PSMD12: variants seen among roughly 807,000 people sequenced by gnomAD.
The protein encoded by PSMD12 is proteasome 26S subunit, non-ATPase 12, also known as 26S proteasome non-ATPase regulatory subunit 12.
In PSMD12, 8 loss-of-function variants were observed where a neutral mutation model predicts 62.9. The ratio of observed to expected loss-of-function variants is 0.13; its 90% CI spans 0.07 to 0.23. The LOEUF is 0.23. Among genes scored for constraint, PSMD12 ranks in the 10% least tolerant of loss-of-function variants. PSMD12 has a pLI of 1.00. For synonymous variants in PSMD12, 173 were observed against 187.4 expected (o/e 0.92, Z 0.63); for missense variants, 424 against 550.2 (o/e 0.77, Z 2.29).
chr17:67,342,838 A>AGG (rs57792247), intron 9 of PSMD12, among the ~76,000 whole-genome samples: 1 of 150,780 alleles, frequency 6.6e-6, no homozygotes, highest in African/African-American at 2.4e-5. Context: ...TAGGAAGCTG[A>AGG]GGGGGGAGAA....
intron 8 of PSMD12, 84 bp downstream of exon 8, chr17:67,345,661 A>C: frequency 1.8e-6 from 2 of 1,093,624 alleles, no homozygotes; most frequent in South Asian, 2.7e-5. Flanking sequence ...AAGTATACAC[A>C]GAAGTATACA....
chr17:67,345,787 C>G lies in PSMD12; in HGVS notation c.866G>C (p.Arg289Pro), dbSNP rs762866817. The G allele has an allele frequency of 6.2e-7, 1 of 1,613,346 alleles. No homozygotes were observed. The highest frequency in any genetic ancestry group is 8.5e-7 in the Non-Finnish European group (1 of 1,179,574). Residue 289 changes from arginine to proline, a missense_variant, in exon 8 of 11, where the codon CGA becomes CCA. Arg to Pro is a moderately radical substitution (Grantham distance 103). Coordinates refer to ENST00000356126, the MANE Select transcript of PSMD12 (RefSeq NM_002816.5). ...FDNEQSDLVH[R>P]ISGDKKLEEI... is the part of the protein sequence containing the mutation. ...TTCTAACTTCTTGTCACCACTTATTCGGTGAACCAAATCTGACTGTTCATT... is the reference window on the plus strand; with the variant it reads ...TTCTAACTTCTTGTCACCACTTATTGGGTGAACCAAATCTGACTGTTCATT...
intron 3 of PSMD12, among the ~76,000 whole-genome samples, chr17:67,355,596 T>C (rs1414743009): frequency 7.2e-5 from 11 of 152,218 alleles, no homozygotes; most frequent in Middle Eastern, 3.2e-3. Flanking sequence ...TACAATGCCA[T>C]TGTCTTTATT....
rs1598560316 is a variant in PSMD12, at chr17:67,347,585, TAAG to T, written c.511-103_511-101del. 1.2e-5 allele frequency: 15 copies of T among 1,224,296 alleles called. 1 individual carries two copies. In the South Asian group the frequency reaches 2.4e-4, roughly 19 times the overall value. The allele number at this position is 1,224,296 out of a possible 1,614,324, so 75.8% of individuals were successfully genotyped here. ...TAAAATATTCATCCTTGTTAAATAA[TAAG>T]AACCTTCATGTATATAGGGAGAGTG... On this transcript the variant is annotated intron_variant, in intron 5 of 10. Transcript: ENST00000356126.
intron 1 of PSMD12, 149 bp downstream of exon 1, chr17:67,366,263 T>G: frequency 1.4e-6 from 1 of 731,608 alleles, no homozygotes; most frequent in East Asian, 2.8e-5. Flanking sequence ...CGGGCCGACC[T>G]GGGGTCTCCC....
Position 67,366,438 on chromosome 17 carries a change from G to A in PSMD12, c.82C>T (p.Leu28=). Residue 28 remains leucine (L), a synonymous_variant, in exon 1 of 11, where the codon CTA becomes TTA. Transcript: ENST00000356126. The stretch of plus-strand genomic sequence containing the variant: ...TTGGCTAGCTTCGCACACTCGGGTA[G>A]GCGCTGATCCACCGTGGCGCTGTAG... ...VDYSATVDQR[L]PECAKLAKEG... is the part of the protein sequence containing the mutation. 2 of 1,612,334 alleles carry A rather than the reference G, an allele frequency of 1.2e-6. No homozygotes were observed. The highest frequency in any genetic ancestry group is 1.1e-5 in the South Asian group (1 of 91,054).
intron 3 of PSMD12, among the ~76,000 whole-genome samples, chr17:67,354,325 G>C (rs1248020304): frequency 6.6e-6 from 1 of 151,934 alleles, no homozygotes. Context: ...GGGGAGGACT[G>C]CTTGAGCCTA....
chr17:67,361,709 GTT>G (rs1003937492), intron 1 of PSMD12, among the ~76,000 whole-genome samples: 1 of 151,952 alleles, frequency 6.6e-6, no homozygotes, highest in Non-Finnish European at 1.5e-5. Context: ...AATGTAAACT[GTT>G]TTACATTTCA....
chr17:67,342,224 T>C lies in PSMD12; in HGVS notation c.1123A>G (p.Met375Val). ...IMAKYYTRIT[M>V]KRMAQLLDLS... Reference sequence around the variant, plus strand: ...TCCAGAAGCTGTGCCATCCTTTTCATTGTTATCCGAGTATAATACTTGGCC... The same window carrying C: ...TCCAGAAGCTGTGCCATCCTTTTCACTGTTATCCGAGTATAATACTTGGCC... The change falls in exon 10 of 11, where the codon ATG becomes GTG. Residue 375 changes from methionine to valine, a missense_variant. Met to Val is a conservative substitution (Grantham distance 21, BLOSUM62 1). Coordinates refer to ENST00000356126, the MANE Select transcript of PSMD12 (RefSeq NM_002816.5). 1.9e-6 allele frequency: 3 copies of C among 1,589,792 alleles called. No individual in the cohort carries two copies. The highest frequency in any genetic ancestry group is 2.2e-5 in the South Asian group (2 of 90,556).
intron 1 of PSMD12, among the ~76,000 whole-genome samples, chr17:67,359,632 C>A (rs891755481): frequency 1.3e-5 from 2 of 152,088 alleles, no homozygotes; most frequent in Non-Finnish European, 2.9e-5. Context: ...TCCAAGATAG[C>A]TTTTAAACAT....
chr17:67,365,817 C>T (rs145426677), intron 1 of PSMD12, among the ~76,000 whole-genome samples: 53 of 152,148 alleles, frequency 3.5e-4, no homozygotes, highest in African/African-American at 1.2e-3. Context: ...CCTTATGGCA[C>T]CATTAAGAAT....
intron 3 of PSMD12, among the ~76,000 whole-genome samples, chr17:67,356,087 T>A (rs2042068562): frequency 1.3e-5 from 2 of 151,838 alleles, no homozygotes; most frequent in South Asian, 4.2e-4. Context: ...GCACTCTAAG[T>A]GGGGGTTGGG....
intron 10 of PSMD12, 136 bp downstream of exon 10, chr17:67,342,050 C>T: frequency 1.5e-6 from 1 of 677,562 alleles, no homozygotes; most frequent in South Asian, 1.9e-5. Flanking sequence ...TTTTGGTACT[C>T]AAGATTGCTT....
At chr17:67,349,242 C>T (rs2041996550) in intron 4 of PSMD12, among the ~76,000 whole-genome samples, 1 of 152,174 alleles carries the variant, frequency 6.6e-6, no homozygotes, top group African/African-American at 2.4e-5. Flanking sequence ...TGGTCTTGAA[C>T]TCCAGACCTT....
chr17:67,363,214 C>T (rs1298867349), intron 1 of PSMD12, among the ~76,000 whole-genome samples: 2 of 152,024 alleles, frequency 1.3e-5, no homozygotes, highest in African/African-American at 2.4e-5. Context: ...TGCAGTGATG[C>T]GATCATAGCT....
At chr17:67,362,219 CA>C (rs1435580593) in intron 1 of PSMD12, among the ~76,000 whole-genome samples, 1 of 152,102 alleles carries the variant, frequency 6.6e-6, no homozygotes, top group East Asian at 1.9e-4. Context: ...TGCTAAATAC[CA>C]TATCTTTACA....
At chr17:67,365,755 T>C (rs1276380559) in intron 1 of PSMD12, among the ~76,000 whole-genome samples, 1 of 152,104 alleles carries the variant, frequency 6.6e-6, no homozygotes, top group East Asian at 1.9e-4. Context: ...CACCTCAATC[T>C]TACTAATTCC....
intron 1 of PSMD12, chr17:67,361,080 C>T (rs866308091): frequency 6.6e-6 from 1 of 152,146 alleles, no homozygotes; most frequent in African/African-American, 2.4e-5. Context: ...GGTTAGAAAG[C>T]TATCCAAAAC....
Position 67,339,115 on chromosome 17 carries a change from T to G in PSMD12, c.*1728A>C, listed in dbSNP as rs936985386. On this transcript the variant is annotated 3_prime_UTR_variant, in exon 11 of 11. Coordinates refer to ENST00000356126, the MANE Select transcript of PSMD12 (RefSeq NM_002816.5). ...TGTTTCTGAACTTTCCAGTTTTGTT[T>G]TTTTTTTTTTGAGACGGAGTCTCAC... The G allele has an allele frequency of 5.9e-5, 9 of 152,032 alleles. No individual in the cohort carries two copies. Among genetic ancestry groups the G allele is most frequent in the Non-Finnish European group, 1.5e-5 (1 of 68,008 alleles). 9.4% of individuals were successfully genotyped at this position (152,032 alleles called of 1,614,324 possible).
Sources: gnomAD v4.1 joint callset for allele counts (sites outside exome capture counted in the v4.1 genomes callset) on GRCh38, gnomAD v4.1.1 for gene constraint, MANE v1.5 for transcripts, NCBI Gene and HGNC (gene_info 2026-07-23, HGNC 2026-07-21) for gene names.